RNF130: variants seen among roughly 807,000 people sequenced by gnomAD.
The protein encoded by RNF130 is ring finger protein 130, also known as E3 ubiquitin-protein ligase RNF130.
Under a neutral mutation model 44.6 loss-of-function variants are expected in RNF130, and 21 were observed. The ratio of observed to expected loss-of-function variants is 0.47; its 90% confidence interval spans 0.33 to 0.68. The LOEUF is 0.68. Among genes scored for constraint, RNF130 ranks in the 30% least tolerant of loss-of-function variants. The pLI is 0.02. For missense variants in RNF130, 479 were observed against 560.6 expected (o/e 0.85, Z 1.47); for synonymous variants, 214 against 210.4 (o/e 1.02, Z -0.15).
intron 3 of RNF130, among the ~76,000 whole-genome samples, chr5:180,007,753 G>A (rs1265112992): frequency 6.6e-6 from 1 of 152,150 alleles, no homozygotes; most frequent in Non-Finnish European, 1.5e-5. Context: ...ACCAGATGGT[G>A]ATTATGTTTC....
Position 180,071,443 on chromosome 5 carries a change from G to A in RNF130, c.247+13C>T. The stretch of plus-strand genomic sequence containing the variant: ...CAGCGACCACCGCCCGCCGCCCCCG[G>A]GCCGGCACTCACCTCCGTGGAGGGG... On this transcript the variant is annotated intron_variant, in intron 1 of 8. Coordinates refer to ENST00000521389, the MANE Select transcript of RNF130 (RefSeq NM_018434.6). 1.2e-5 allele frequency: 15 copies of A among 1,236,362 alleles called. No homozygotes were observed. Among genetic ancestry groups the A allele is most frequent in the Non-Finnish European group, 1.5e-5 (15 of 989,084 alleles). The allele number at this position is 1,236,362 out of a possible 1,614,324, so 76.6% of individuals were successfully genotyped here. A position where few individuals can be genotyped will look rare whatever the true frequency, so the allele number is the denominator to read the frequency against.
chr5:180,055,248 CAAAAAAAAAAAAAA>C (rs1205914690), intron 1 of RNF130, among the ~76,000 whole-genome samples: 35 of 20,992 alleles, frequency 1.7e-3, no homozygotes, highest in Admixed American at 5.7e-3. Flanking sequence ...GGTTCTGTCT[CAAAAAAAAAAAAAA>C]AAAAAAAAAA....
chr5:179,967,625 A>G (rs776847794), intron 6 of RNF130, among the ~76,000 whole-genome samples: 31 of 151,954 alleles, frequency 2.0e-4, no homozygotes, highest in Middle Eastern at 3.4e-3. Context: ...AAAAGTGAGC[A>G]CCAAAAGTCT....
chr5:180,042,897 A>C (rs1764459194), intron 1 of RNF130, among the ~76,000 whole-genome samples: 1 of 152,250 alleles, frequency 6.6e-6, no homozygotes, highest in Admixed American at 6.5e-5. Context: ...TCCAAGGTCT[A>C]GATCAACTGC....
At chr5:180,069,577 CAACT>C (rs1486881942) in intron 1 of RNF130, among the ~76,000 whole-genome samples, 2 of 152,178 alleles carry the variant, frequency 1.3e-5, no homozygotes, top group Non-Finnish European at 1.5e-5. Flanking sequence ...GAAATCTCAC[CAACT>C]GAGAGATTCC....
At chr5:179,985,019 T>C (rs561283052) in intron 3 of RNF130, among the ~76,000 whole-genome samples, 53 of 152,298 alleles carry the variant, frequency 3.5e-4, no homozygotes, top group African/African-American at 1.2e-3. Flanking sequence ...ATTGTTATCA[T>C]AGCTGCCCCT....
At chr5:179,925,907 A>C (rs1391340065) in intron 7 of RNF130, among the ~76,000 whole-genome samples, 1 of 152,208 alleles carries the variant, frequency 6.6e-6, no homozygotes, top group African/African-American at 2.4e-5. Context: ...CGTGCCTCAA[A>C]GGAGGCTGCA....
rs986381743 is a variant in RNF130, at chr5:179,926,941, G to A, written c.1151-6515C>T. Among the ~76,000 whole-genome samples the A allele has an allele frequency of 2.2e-4, 33 of 152,346 alleles. 1 individual carries two copies. Among genetic ancestry groups the A allele is most frequent in the Middle Eastern group, 6.8e-3 (2 of 294 alleles). On this transcript the variant is annotated intron_variant, in intron 7 of 7. Coordinates refer to the RNF130 transcript ENST00000522208. ...TCAGAACTGCTTGCTTACTTCGTGT[G>A]TGGGGGCCCCCTCGCCCCACTCGAC...
At chr5:180,045,403 T>A (rs1016695207) in intron 1 of RNF130, among the ~76,000 whole-genome samples, 1 of 152,058 alleles carries the variant, frequency 6.6e-6, no homozygotes, top group Non-Finnish European at 1.5e-5. Context: ...ACTTCAAGAG[T>A]GAAGCTGCAG....
intron 1 of RNF130, among the ~76,000 whole-genome samples, chr5:180,059,594 AGG>A (rs1410501781): frequency 5.6e-4 from 85 of 152,342 alleles, no homozygotes; most frequent in Non-Finnish European, 1.1e-3. Context: ...GCAAATGAGA[AGG>A]TGCATCACTG....
chr5:180,044,922 G>A (rs1396402665), intron 1 of RNF130, among the ~76,000 whole-genome samples: 1 of 152,160 alleles, frequency 6.6e-6, no homozygotes, highest in Non-Finnish European at 1.5e-5. Flanking sequence ...AACACGAAGT[G>A]CACTTAAGAG....
In RNF130 at chr5:179,963,549, A is replaced by G; in HGVS notation, c.1166T>C (p.Ile389Thr). 1 of 1,612,812 alleles carries G rather than the reference A, an allele frequency of 6.2e-7. No homozygotes were observed. Among genetic ancestry groups the G allele is most frequent in the Non-Finnish European group, 8.5e-7 (1 of 1,178,836 alleles). Residue 389 changes from isoleucine (I) to threonine (T), a missense_variant, in exon 8 of 9, where the codon ATT (isoleucine) becomes ACT (threonine). By Grantham distance (89) the Ile-to-Thr change is moderately conservative. Around this residue, in one of 3 missense-constraint regions of RNF130, gnomAD observed 161 missense variants for 158.6 expected, o/e 1.02. Transcript: ENST00000521389. ...NIAVTKEWFI[I>T]ASFGLLSALT... is the part of the protein sequence containing the mutation. Reference sequence around the variant, plus strand: ...GGCACTGAGGAGGCCAAAACTGGCAATAATAAACCATTCTTCTGTTGACAA... The same window carrying G: ...GGCACTGAGGAGGCCAAAACTGGCAGTAATAAACCATTCTTCTGTTGACAA...
chr5:179,967,107 G>T (rs1762469029), intron 6 of RNF130, 97 bp from the exon 7 acceptor site: 2 of 1,083,912 alleles, frequency 1.8e-6, no homozygotes, highest in Non-Finnish European at 1.4e-6. Flanking sequence ...CTGTTGCAAA[G>T]ACCTTACCAG....
downstream of RNF130, among the ~76,000 whole-genome samples, chr5:179,951,152 T>C (rs780504999): frequency 6.6e-6 from 1 of 152,138 alleles, no homozygotes; most frequent in Non-Finnish European, 1.5e-5. Context: ...AGTGCAGCTT[T>C]AAAACATTCT....
chr5:179,993,888 G>T (rs991731290), intron 3 of RNF130, among the ~76,000 whole-genome samples: 1 of 152,108 alleles, frequency 6.6e-6, no homozygotes, highest in Non-Finnish European at 1.5e-5. Flanking sequence ...AATCCATCTT[G>T]AATTAATTTT....
chr5:180,038,239 G>A (rs1582210201), intron 2 of RNF130, among the ~76,000 whole-genome samples: 1 of 148,088 alleles, frequency 6.8e-6, no homozygotes, highest in Non-Finnish European at 1.5e-5. Context: ...TTTTTTTGTA[G>A]AGATGGGGTC....
chr5:179,932,697 GCGTGGTGGCA>G, intron 7 of RNF130, among the ~76,000 whole-genome samples: 1 of 151,982 alleles, frequency 6.6e-6, no homozygotes, highest in Non-Finnish European at 1.5e-5. Context: ...AATTAGCCAG[GCGTGGTGGCA>G]CATCTGTAAT....
chr5:180,055,430 T>G (rs967184725), intron 1 of RNF130, among the ~76,000 whole-genome samples: 1 of 51,024 alleles, frequency 2.0e-5, no homozygotes, highest in Non-Finnish European at 4.1e-5. Flanking sequence ...AACCTGAATG[T>G]CAGATGACTT....
At position 179,918,588 on chromosome 5, in the gene RNF130, C is replaced by T. The variant is rs182186851; in HGVS notation, c.*1729G>A. ...CAGACTCACCCTCTCTCTGAGAGCC[C>T]AATGGGGAAACCTGCTTTTCTGAAC... On this transcript the variant is annotated 3_prime_UTR_variant, in exon 8 of 8. Coordinates refer to the RNF130 transcript ENST00000522208. 22 of 152,230 alleles carry T rather than the reference C, an allele frequency of 1.4e-4. No homozygotes were observed. The East Asian group carries it at 3.3e-3, about 23-fold the overall frequency. The allele number at this position is 152,230 out of a possible 1,614,324, so 9.4% of individuals were successfully genotyped here.
Sources: gnomAD v4.1 joint callset for allele counts (sites outside exome capture counted in the v4.1 genomes callset) on GRCh38, gnomAD v4.1.1 for gene constraint, gnomAD v4.1.1 regional missense constraint, MANE v1.5 for transcripts, NCBI Gene and HGNC (gene_info 2026-07-23, HGNC 2026-07-21) for gene names.